TECRL: variants seen among roughly 807,000 people sequenced by gnomAD.
TECRL encodes trans-2,3-enoyl-CoA reductase like, also known as trans-2,3-enoyl-CoA reductase-like.
A neutral mutation model predicts 52.8 loss-of-function variants in TECRL; 63 were observed. The observed-to-expected ratio is 1.19, with a 90% CI of 0.97 to 1.47. TECRL has a LOEUF of 1.47. TECRL is among the 40% of genes most tolerant of loss of function. The probability of loss-of-function intolerance (pLI) is 0.00; values close to 1 mark genes in which losing one functional copy is unlikely to be tolerated. For missense variants in TECRL, 482 were observed against 429.6 expected (o/e 1.12, Z -1.08); for synonymous variants, 164 against 141.9 (o/e 1.16, Z -1.10).
chr4:64,286,609 C>T (rs559693072), intron 9 of TECRL, among the ~76,000 whole-genome samples: 36 of 151,216 alleles, frequency 2.4e-4, no homozygotes, highest in Admixed American at 1.4e-3. Flanking sequence ...AATCATCAAC[C>T]CTTAGACACT....
intron 2 of TECRL, among the ~76,000 whole-genome samples, chr4:64,332,515 T>C (rs114691025): frequency 0.012 from 1,807 of 152,200 alleles, 14 homozygotes; most frequent in Non-Finnish European, 0.02. Context: ...GAACGAAGAA[T>C]GCTAGAAGAC....
At chr4:64,374,052 C>CATATATATATATAGTAGATATATATATAT (rs1553919039) in intron 2 of TECRL, among the ~76,000 whole-genome samples, 1 of 106,014 alleles carries the variant, frequency 9.4e-6, no homozygotes, top group African/African-American at 4.2e-5. Context: ...ATAGTAGATA[C>CATATATATATATAGTAGATATATATATAT]ATATATATAT....
In TECRL at chr4:64,408,793, C is replaced by T. The variant is rs184336882; in HGVS notation, c.234+325G>A. Among the ~76,000 whole-genome samples, 409 of 152,110 alleles carry T rather than the reference C, an allele frequency of 2.7e-3. 1 individual carries two copies. Among genetic ancestry groups the T allele is most frequent in the Non-Finnish European group, 4.1e-3 (277 of 67,976 alleles). Reference sequence around the variant, plus strand: ...GTACACGAAGACAAAAACCTGGAGACATTTTACATGTAGGAAAATAGGTTG... The same window carrying T: ...GTACACGAAGACAAAAACCTGGAGATATTTTACATGTAGGAAAATAGGTTG... On this transcript the variant is annotated intron_variant, in intron 1 of 11. Transcript: ENST00000381210.
chr4:64,308,383 C>T lies in TECRL; in HGVS notation c.657+1443G>A, dbSNP rs199897957. Among the ~76,000 whole-genome samples, 14 of 152,240 alleles carry T rather than the reference C, an allele frequency of 9.2e-5. No homozygotes were observed. The East Asian group carries it at 2.7e-3, about 29-fold the overall frequency. On this transcript the variant is annotated intron_variant, in intron 6 of 11. Transcript: ENST00000381210. ...CATTAGCATTGTGGCTTCAGCTTCC[C>T]CCCTCCACAGGCTTTCGTTAGGCAC...
At chr4:64,305,084 A>G in intron 7 of TECRL, 82 bp downstream of exon 7, 1 of 963,630 alleles carries the variant, frequency 1.0e-6, no homozygotes, top group African/African-American at 1.6e-5. Context: ...TTTTTTACTT[A>G]TTCCTTTATG....
chr4:64,343,620 C>A (rs1285755582), intron 2 of TECRL, among the ~76,000 whole-genome samples: 1 of 151,878 alleles, frequency 6.6e-6, no homozygotes, highest in African/African-American at 2.4e-5. Context: ...TTAAAACATT[C>A]TTTCCAGGCA....
intron 9 of TECRL, among the ~76,000 whole-genome samples, chr4:64,285,729 A>G (rs1347964155): frequency 6.6e-6 from 1 of 152,098 alleles, no homozygotes; most frequent in Non-Finnish European, 1.5e-5. Flanking sequence ...AATAGGGAGA[A>G]ATTGAATACA....
chr4:64,284,079 G>A (rs755123389), intron 9 of TECRL, among the ~76,000 whole-genome samples: 125 of 152,104 alleles, frequency 8.2e-4, no homozygotes, highest in Non-Finnish European at 6.2e-4. Flanking sequence ...ACATGGGGTT[G>A]GAATCTGAGG....
At position 64,330,615 on chromosome 4, in the gene TECRL, C is replaced by T. The variant is rs187169467; in HGVS notation, c.287-2059G>A. On this transcript the variant is annotated intron_variant, in intron 2 of 11. Transcript: ENST00000381210. ...CCTTGGAGTTCAAGACTAGCCTGGG[C>T]AATATAATGAGACTGTCTCTACCAC... Among the ~76,000 whole-genome samples the T allele has an allele frequency of 2.0e-5, 3 of 152,056 alleles. No individual in the cohort carries two copies. The East Asian group carries it at 5.8e-4, about 29-fold the overall frequency.
At chr4:64,369,172 C>T (rs908841061) in intron 2 of TECRL, among the ~76,000 whole-genome samples, 2 of 152,264 alleles carry the variant, frequency 1.3e-5, no homozygotes, top group Admixed American at 1.3e-4. Flanking sequence ...GTTTATGACA[C>T]AGAGTCAGTG....
chr4:64,408,860 A>C (rs545306193), intron 1 of TECRL, among the ~76,000 whole-genome samples: 60 of 152,264 alleles, frequency 3.9e-4, no homozygotes, highest in African/African-American at 1.4e-3. Context: ...CAATGACAGC[A>C]TAAAATTCAC....
intron 1 of TECRL, among the ~76,000 whole-genome samples, chr4:64,403,757 A>G (rs1578003580): frequency 6.6e-6 from 1 of 151,874 alleles, no homozygotes; most frequent in East Asian, 1.9e-4. Context: ...AAACACCATA[A>G]GAAATAGGAA....
At chr4:64,283,036 G>A (rs1181360249) in intron 9 of TECRL, among the ~76,000 whole-genome samples, 3 of 151,842 alleles carry the variant, frequency 2.0e-5, no homozygotes, top group Non-Finnish European at 2.9e-5. Flanking sequence ...TCAACTTTCA[G>A]TACTCCCTAT....
intron 2 of TECRL, among the ~76,000 whole-genome samples, chr4:64,357,133 C>A (rs4860153): frequency 0.9 from 136,696 of 152,096 alleles, 62,076 homozygotes; most frequent in East Asian, 1. Context: ...CCCTCCTATG[C>A]GTTAAATGAT....
At chr4:64,408,715 C>A (rs1724895894) in intron 1 of TECRL, among the ~76,000 whole-genome samples, 1 of 152,030 alleles carries the variant, frequency 6.6e-6, no homozygotes, top group African/African-American at 2.4e-5. Context: ...CTTTTGCTTA[C>A]TATTTTCTAT....
At chr4:64,287,110 A>G (rs954896852) in intron 9 of TECRL, among the ~76,000 whole-genome samples, 4 of 152,084 alleles carry the variant, frequency 2.6e-5, no homozygotes, top group African/African-American at 9.7e-5. Flanking sequence ...CTCCACTGCA[A>G]ATGAGGACCA....
At chr4:64,361,396 G>A (rs980098236) in intron 2 of TECRL, among the ~76,000 whole-genome samples, 4 of 152,046 alleles carry the variant, frequency 2.6e-5, no homozygotes, top group East Asian at 1.9e-4. Flanking sequence ...ACCGTCTGCC[G>A]CCACCTATCC....
chr4:64,369,781 A>C (rs1271207885), intron 2 of TECRL, among the ~76,000 whole-genome samples: 1 of 152,046 alleles, frequency 6.6e-6, no homozygotes, highest in Non-Finnish European at 1.5e-5. Context: ...GCTACAATAG[A>C]AATATTTTAG....
intron 3 of TECRL, among the ~76,000 whole-genome samples, chr4:64,326,135 G>T (rs995917291): frequency 6.6e-6 from 1 of 151,982 alleles, no homozygotes; most frequent in Non-Finnish European, 1.5e-5. Context: ...CTGGAACTGG[G>T]GTACACAACA....
Sources: allele counts gnomAD v4.1 joint callset (sites outside exome capture counted in the v4.1 genomes callset), GRCh38; gene constraint gnomAD v4.1.1; transcripts MANE v1.5; gene names NCBI Gene and HGNC (gene_info 2026-07-23, HGNC 2026-07-21).